The following KLKB1 variants were observed in gnomAD, a reference collection of about 807,000 sequenced individuals.
KLKB1 encodes plasma kallikrein.
Under a neutral mutation model 73.6 loss-of-function variants are expected in KLKB1, and 58 were observed. The ratio of observed to expected loss-of-function variants is 0.79; its 90% CI spans 0.64 to 0.98. The LOEUF (loss-of-function observed/expected upper bound fraction) is 0.98, where lower values mean the gene tolerates loss of function less well. Among genes scored for constraint, KLKB1 ranks in the 50% least tolerant of loss-of-function variants. The pLI is 0.00. For synonymous variants in KLKB1, 280 were observed against 258.1 expected, an observed-to-expected ratio of 1.08 and a Z score of -0.81; for missense variants, 737 against 763.8, an observed-to-expected ratio of 0.96 and a Z score of 0.41.
intron 2 of KLKB1, chr4:186,213,483 A>G (rs1183735629): frequency 3.9e-5 from 6 of 152,222 alleles, no homozygotes; most frequent in Non-Finnish European, 8.8e-5. Context: ...TGACTCTTGG[A>G]TTTTCTAACA....
Position 186,228,186 on chromosome 4 carries a change from C to CT in KLKB1, c.-1-3dup. The CT allele has an allele frequency of 2.7e-6, 4 of 1,496,368 alleles. No homozygotes were observed. Among genetic ancestry groups the CT allele is most frequent in the Non-Finnish European group, 3.7e-6 (4 of 1,073,420 alleles). The allele number at this position is 1,496,368 out of a possible 1,614,324, so 92.7% of individuals were successfully genotyped here. On this transcript the variant is annotated splice_polypyrimidine_tract_variant and intron_variant, in intron 1 of 14. Coordinates refer to ENST00000264690, the MANE Select transcript of KLKB1 (RefSeq NM_000892.5). ...AACCAGCAGAGTTATGTATTGTTTT[C>CT]TTTTTTAGAATGATTTTATTCAAGC... is the stretch of plus-strand genomic sequence containing the variant.
chr4:186,242,198 G>A (rs1379958095), intron 6 of KLKB1, among the ~76,000 whole-genome samples: 1 of 152,088 alleles, frequency 6.6e-6, no homozygotes, highest in Non-Finnish European at 1.5e-5. Flanking sequence ...GCCAGGAGAA[G>A]GAATTTCACA....
At chr4:186,232,078 A>C (rs779821874) in intron 2 of KLKB1, 49 bp from the exon 3 acceptor site, 1 of 1,478,060 alleles carries the variant, frequency 6.8e-7, no homozygotes, top group South Asian at 1.3e-5. Context: ...CTTTTTATTA[A>C]AATTATTATA....
chr4:186,230,222 C>T (rs111810946), intron 2 of KLKB1, among the ~76,000 whole-genome samples: 3 of 152,290 alleles, frequency 2.0e-5, no homozygotes, highest in African/African-American at 7.2e-5. Context: ...AACCAGTATA[C>T]AAACACTGGT....
At chr4:186,225,486 C>G (rs1216608652), upstream of KLKB1, among the ~76,000 whole-genome samples, 4 of 126,232 alleles carry the variant, frequency 3.2e-5, no homozygotes, top group Non-Finnish European at 6.4e-5. Context: ...GTGCAGTGTG[C>G]AGTGGCGCAA....
At chr4:186,239,333 TGTTATA>T (rs1166068672) in intron 6 of KLKB1, among the ~76,000 whole-genome samples, 4 of 151,254 alleles carry the variant, frequency 2.6e-5, no homozygotes, top group South Asian at 2.1e-4. Flanking sequence ...ACAGTGATAT[TGTTATA>T]GTTATAGGAA....
At chr4:186,256,887 C>T (rs1010734369) in intron 13 of KLKB1, among the ~76,000 whole-genome samples, 1 of 152,044 alleles carries the variant, frequency 6.6e-6, no homozygotes, top group Non-Finnish European at 1.5e-5. Flanking sequence ...AACATGGAAG[C>T]AAGGTCTCTG....
At chr4:186,250,139 T>C (rs1303500009) in intron 6 of KLKB1, 104 bp from the exon 7 acceptor site, 5 of 1,107,344 alleles carry the variant, frequency 4.5e-6, no homozygotes, top group African/African-American at 1.5e-5. Context: ...TTTAGTACTA[T>C]GAATAATAAA....
chr4:186,216,261 T>C (rs1273646272), intron 2 of KLKB1, among the ~76,000 whole-genome samples: 3 of 152,246 alleles, frequency 2.0e-5, no homozygotes, highest in African/African-American at 7.2e-5. Context: ...ATCGTTTTAC[T>C]CTTTCATTCA....
intron 4 of KLKB1, among the ~76,000 whole-genome samples, chr4:186,234,705 A>G (rs1037294331): frequency 2.6e-5 from 4 of 152,308 alleles, no homozygotes; most frequent in African/African-American, 7.2e-5. Context: ...TTCCTAAAGG[A>G]AACTTGAGGA....
upstream of KLKB1, among the ~76,000 whole-genome samples, chr4:186,225,853 TC>T (rs1432671559): frequency 7.9e-5 from 12 of 152,154 alleles, no homozygotes. Flanking sequence ...TAAATAAGTT[TC>T]TGCAACTTTC....
chr4:186,255,538 A>G (rs1362693387), intron 12 of KLKB1, among the ~76,000 whole-genome samples: 1 of 152,202 alleles, frequency 6.6e-6, no homozygotes, highest in Non-Finnish European at 1.5e-5. Context: ...CTGCACACAA[A>G]CAATTATGTG....
Position 186,258,275 on chromosome 4 carries a change from G to A in KLKB1, c.*63G>A. On this transcript the variant is annotated 3_prime_UTR_variant, in exon 15 of 15. Transcript: ENST00000264690. ...GTTCAAGTCAAATTCTGAGCCTGGG[G>A]GGTCCTCATCTGCAAAGCATGGAGA... 7.1e-7 allele frequency: 1 copy of A among 1,407,614 alleles called. No homozygotes were observed. Among genetic ancestry groups the A allele is most frequent in the Admixed American group, 1.9e-5 (1 of 53,222 alleles). The allele number at this position is 1,407,614 out of a possible 1,614,324, so 87.2% of individuals were successfully genotyped here.
At chr4:186,256,987 GTCTC>G (rs59372724) in intron 13 of KLKB1, among the ~76,000 whole-genome samples, 1,546 of 148,592 alleles carry the variant, frequency 0.01, 9 homozygotes, top group Middle Eastern at 0.039. Context: ...TCCTCTCTCT[GTCTC>G]TCTCTCTCTG....
rs1021585099 is a variant in KLKB1 at position 186,215,614 on chromosome 4, C to T, written c.201+6342C>T. ...CTATCTATTTTTTGAGACAGGGTCA[C>T]CTAGGCCGGAGTGCAGTGGCGCAAT... On this transcript the variant is annotated intron_variant, in intron 2 of 14. Transcript: ENST00000511608. Among the ~76,000 whole-genome samples, 118 of 152,076 alleles carry T rather than the reference C, an allele frequency of 7.8e-4. 1 individual carries two copies. Among genetic ancestry groups the T allele is most frequent in the African/African-American group, 2.5e-3 (105 of 41,482 alleles).
At chr4:186,237,688 G>A (rs1213260589) in intron 5 of KLKB1, among the ~76,000 whole-genome samples, 1 of 152,038 alleles carries the variant, frequency 6.6e-6, no homozygotes, top group African/African-American at 2.4e-5. Context: ...TTGCATAGAT[G>A]TATGGGGTAC....
upstream of KLKB1, chr4:186,226,397 G>A (rs140604944): frequency 1.3e-5 from 2 of 152,240 alleles, no homozygotes; most frequent in Admixed American, 1.3e-4. Context: ...ACTAGCTTCA[G>A]CAGAGAAAGC....
chr4:186,238,424 A>T, intron 6 of KLKB1, 59 bp downstream of exon 6: 1 of 1,187,880 alleles, frequency 8.4e-7, no homozygotes, highest in Non-Finnish European at 1.3e-6. Context: ...GCCCCCAGAG[A>T]CGTCCCTGTG....
chr4:186,235,670 A>G (rs1186254847), intron 4 of KLKB1, among the ~76,000 whole-genome samples: 1 of 152,168 alleles, frequency 6.6e-6, no homozygotes, highest in African/African-American at 2.4e-5. Flanking sequence ...TATGACTTCA[A>G]CCATACTTCT....
Sources: allele counts gnomAD v4.1 joint callset (sites outside exome capture counted in the v4.1 genomes callset), GRCh38; gene constraint gnomAD v4.1.1; transcripts MANE v1.5; gene names NCBI Gene and HGNC (gene_info 2026-07-23, HGNC 2026-07-21).